The following KATNIP variants were observed in gnomAD, a reference collection of about 807,000 sequenced individuals.
The protein encoded by KATNIP is katanin interacting protein.
KATNIP carries 126 observed loss-of-function variants against 174.0 expected under a neutral mutation model. That is an observed-to-expected ratio of 0.72 (90% confidence interval 0.63 to 0.84). The LOEUF (loss-of-function observed/expected upper bound fraction) is 0.84, where lower values mean the gene tolerates loss of function less well. KATNIP is among the 40% of genes least tolerant of loss of function. KATNIP has a pLI of 0.00. For missense variants in KATNIP, 1,958 were observed against 2,109.7 expected (o/e 0.93, Z 1.41); for synonymous variants, 810 against 835.7 (o/e 0.97, Z 0.53).
At chr16:27,738,173 A>G (rs547540939) in intron 14 of KATNIP, among the ~76,000 whole-genome samples, 65 of 152,344 alleles carry the variant, frequency 4.3e-4, no homozygotes, top group African/African-American at 1.4e-3. Flanking sequence ...AGCCGAGCAA[A>G]AAAGACTACA....
At chr16:27,613,017 G>A (rs971307200) in intron 2 of KATNIP, among the ~76,000 whole-genome samples, 1 of 152,062 alleles carries the variant, frequency 6.6e-6, no homozygotes, top group African/African-American at 2.4e-5. Flanking sequence ...TAAGAACTTT[G>A]GGAGGCTGAG....
rs151177442 is a variant in KATNIP at position 27,766,218 on chromosome 16, C to T, written c.3810-91C>T. ...CCAGGCTAGTGCCAGGCAGTGGGGA[C>T]GTACTTGGGGCCGAGGGGGTGGGGG... On this transcript the variant is annotated intron_variant, in intron 19 of 27. Transcript: ENST00000261588. 6.8e-3 allele frequency: 9,412 copies of T among 1,385,038 alleles called. 46 individuals carry two copies. Among genetic ancestry groups the T allele is most frequent in the Non-Finnish European group, 8.2e-3 (8,213 of 999,516 alleles). 85.8% of individuals were successfully genotyped at this position (1,385,038 alleles called of 1,614,324 possible).
At chr16:27,647,498 C>T (rs1047107230) in intron 5 of KATNIP, among the ~76,000 whole-genome samples, 25 of 131,964 alleles carry the variant, frequency 1.9e-4, no homozygotes, top group African/African-American at 6.5e-4. Flanking sequence ...CACACCACCA[C>T]ACCTGGCTAA....
intron 6 of KATNIP, among the ~76,000 whole-genome samples, chr16:27,652,998 C>G (rs2077163225): frequency 6.6e-6 from 1 of 151,830 alleles, no homozygotes; most frequent in Admixed American, 6.6e-5. Context: ...GACCCTGTCT[C>G]TAAAAGAAAA....
chr16:27,747,868 T>C (rs2081351910), intron 15 of KATNIP, among the ~76,000 whole-genome samples: 1 of 152,114 alleles, frequency 6.6e-6, no homozygotes. Context: ...TCCTTTCTTC[T>C]CTTCCAGGTA....
At chr16:27,593,869 CCTT>C in intron 2 of KATNIP, among the ~76,000 whole-genome samples, 1 of 152,302 alleles carries the variant, frequency 6.6e-6, no homozygotes, top group Non-Finnish European at 1.5e-5. Context: ...AGGTCAGGCA[CCTT>C]CTCCTGATCC....
At chr16:27,767,831 C>A (rs2082174918) in intron 20 of KATNIP, among the ~76,000 whole-genome samples, 1 of 152,188 alleles carries the variant, frequency 6.6e-6, no homozygotes, top group Non-Finnish European at 1.5e-5. Context: ...CGGTCACAGA[C>A]CCTCCCAATG....
Position 27,584,913 on chromosome 16 carries a change from C to T in KATNIP, c.63+10957C>T, listed in dbSNP as rs538551066. ...GTCTAGGCTCAGAGCGGTGAGACAG[C>T]CTGCCCTGGGTAACACAGCAAGTAC... On this transcript the variant is annotated intron_variant, in intron 2 of 27. Coordinates refer to ENST00000261588, the MANE Select transcript of KATNIP (RefSeq NM_015202.5). Among the ~76,000 whole-genome samples, 3 of 152,314 alleles carry T rather than the reference C, an allele frequency of 2.0e-5. No homozygotes were observed. The South Asian group carries it at 6.2e-4, about 32-fold the overall frequency.
chr16:27,746,495 G>T (rs1172655033), intron 15 of KATNIP, among the ~76,000 whole-genome samples: 1 of 152,164 alleles, frequency 6.6e-6, no homozygotes, highest in East Asian at 1.9e-4. Flanking sequence ...GTGGAGGGGG[G>T]AGTCCCTCGG....
Position 27,750,306 on chromosome 16 carries a change from G to T in KATNIP, c.3346G>T (p.Ala1116Ser). The T allele has an allele frequency of 1.2e-6, 2 of 1,600,364 alleles. No homozygotes were observed. The highest frequency in any genetic ancestry group is 1.1e-5 in the South Asian group (1 of 87,920). The part of the protein sequence containing the change: ...IAKASGTLAG[A>S]PEHFGDTILF... Reference sequence around the variant, plus strand: ...CAAGGCCTCTGGAACCCTGGCGGGAGGTATGGCGTGTCTGTAAGAATTTTC... The same window carrying T: ...CAAGGCCTCTGGAACCCTGGCGGGATGTATGGCGTGTCTGTAAGAATTTTC... The change falls in exon 16 of 28, where the codon GCC (alanine) becomes TCC (serine). Residue 1116 changes from alanine (A) to serine (S), a missense_variant and splice_region_variant. This residue lies in a region of KATNIP where 1,557 missense variants were observed against 1,617.8 expected (regional missense o/e 0.96). Transcript: ENST00000261588.
chr16:27,700,246 C>T (rs1010501442), intron 10 of KATNIP, among the ~76,000 whole-genome samples: 16 of 152,202 alleles, frequency 1.1e-4, no homozygotes, highest in African/African-American at 3.9e-4. Context: ...AATGCAAAAA[C>T]AGATCTTAGT....
At chr16:27,702,489 T>G (rs1379992470) in intron 11 of KATNIP, among the ~76,000 whole-genome samples, 2 of 152,184 alleles carry the variant, frequency 1.3e-5, no homozygotes, top group African/African-American at 4.8e-5. Context: ...GCCTGTAGTT[T>G]CTAGCATGCC....
intron 6 of KATNIP, among the ~76,000 whole-genome samples, chr16:27,652,994 G>A (rs1356178696): frequency 6.6e-6 from 1 of 151,832 alleles, no homozygotes; most frequent in Non-Finnish European, 1.5e-5. Context: ...GCAAGACCCT[G>A]TCTCTAAAAG....
chr16:27,565,528 G>C (rs1339917690), intron 1 of KATNIP, among the ~76,000 whole-genome samples: 1 of 151,920 alleles, frequency 6.6e-6, no homozygotes, highest in African/African-American at 2.4e-5. Flanking sequence ...CTTCACGCCT[G>C]TAATACCAAC....
chr16:27,626,035 A>G (rs1364903680), intron 3 of KATNIP, among the ~76,000 whole-genome samples: 4 of 151,842 alleles, frequency 2.6e-5, no homozygotes, highest in African/African-American at 9.7e-5. Context: ...TTTTTTATAG[A>G]GACGGGGTTT....
intron 14 of KATNIP, among the ~76,000 whole-genome samples, chr16:27,723,522 C>T (rs1416566566): frequency 2.6e-5 from 4 of 152,054 alleles, no homozygotes; most frequent in Admixed American, 2.6e-4. Context: ...GAACATGTTC[C>T]ACCATCTCCT....
chr16:27,625,247 C>T (rs545050075), intron 3 of KATNIP, among the ~76,000 whole-genome samples: 1 of 152,198 alleles, frequency 6.6e-6, no homozygotes, highest in Non-Finnish European at 1.5e-5. Context: ...TTTCATAAAT[C>T]TACATTTTCA....
intron 1 of KATNIP, among the ~76,000 whole-genome samples, chr16:27,551,061 G>A (rs2089339093): frequency 1.3e-5 from 2 of 152,228 alleles, no homozygotes; most frequent in African/African-American, 4.8e-5. Context: ...CAGTCACTCT[G>A]AAGGCCAGAG....
chr16:27,765,703 C>A (rs1002762879), intron 19 of KATNIP, among the ~76,000 whole-genome samples: 2 of 152,142 alleles, frequency 1.3e-5, no homozygotes, highest in Non-Finnish European at 2.9e-5. Context: ...ACCTCCATAC[C>A]CTCTGACCCA....
Sources: gnomAD v4.1 joint callset for allele counts (sites outside exome capture counted in the v4.1 genomes callset) on GRCh38, gnomAD v4.1.1 for gene constraint, gnomAD v4.1.1 regional missense constraint, MANE v1.5 for transcripts, NCBI Gene and HGNC (gene_info 2026-07-23, HGNC 2026-07-21) for gene names.